The following SH3GL2 variants were observed in gnomAD, a reference collection of about 807,000 sequenced individuals.
The protein encoded by SH3GL2 is endophilin-A1.
Under a neutral mutation model 46.0 loss-of-function variants are expected in SH3GL2, and 24 were observed. The ratio of observed to expected loss-of-function variants is 0.52; its 90% CI spans 0.38 to 0.73. The LOEUF (loss-of-function observed/expected upper bound fraction) is 0.73. Among genes scored for constraint, SH3GL2 ranks in the 30% least tolerant of loss-of-function variants. The pLI, the probability that SH3GL2 is intolerant of heterozygous loss-of-function variation, is 0.00. For missense variants in SH3GL2, 413 were observed against 424.2 expected (o/e 0.97, Z 0.23); for synonymous variants, 196 against 147.1 (o/e 1.33, Z -2.40).
chr9:17,783,317 T>TG (rs1823865300), intron 3 of SH3GL2, among the ~76,000 whole-genome samples: 1 of 151,742 alleles, frequency 6.6e-6, no homozygotes, highest in Non-Finnish European at 1.5e-5. Context: ...TTTGTTTGTT[T>TG]GGATTAGGAA....
At chr9:17,738,429 C>G (rs769261439) in intron 1 of SH3GL2, among the ~76,000 whole-genome samples, 3 of 151,094 alleles carry the variant, frequency 2.0e-5, no homozygotes, top group Non-Finnish European at 4.4e-5. Flanking sequence ...AGTTAGGGTT[C>G]TCCAGAGAAA....
At position 17,795,883 on chromosome 9, in the gene SH3GL2, G is replaced by C; in HGVS notation, c.*140G>C. On this transcript the variant is annotated 3_prime_UTR_variant, in exon 9 of 9. Transcript: ENST00000380607. ...CCAGCCCCACCAAGTGACTTTGGTTGACTTGTGGGCTCCCACAGGAGTCAT... is the reference window on the plus strand; with the variant it reads ...CCAGCCCCACCAAGTGACTTTGGTTCACTTGTGGGCTCCCACAGGAGTCAT... The C allele has an allele frequency of 1.5e-6, 1 of 665,190 alleles. No homozygotes were observed. The highest frequency in any genetic ancestry group is 2.6e-6 in the Non-Finnish European group (1 of 385,270). 41.2% of individuals were successfully genotyped at this position (665,190 alleles called of 1,614,324 possible). A position where few individuals can be genotyped will look rare whatever the true frequency, so the allele number is the denominator to read the frequency against.
intron 3 of SH3GL2, among the ~76,000 whole-genome samples, chr9:17,774,963 A>C (rs148971757): frequency 6.6e-6 from 1 of 152,130 alleles, no homozygotes; most frequent in South Asian, 2.1e-4. Context: ...CTTCTTACTA[A>C]TGATAGGTCT....
chr9:17,681,404 A>G (rs1305087866), intron 1 of SH3GL2, among the ~76,000 whole-genome samples: 4 of 152,156 alleles, frequency 2.6e-5, no homozygotes, highest in Non-Finnish European at 5.9e-5. Context: ...GCAAAAATAC[A>G]GGCACATTTC....
At chr9:17,788,912 T>C (rs1027241935) in intron 5 of SH3GL2, among the ~76,000 whole-genome samples, 12 of 152,222 alleles carry the variant, frequency 7.9e-5, no homozygotes, top group Admixed American at 5.2e-4. Context: ...TACGTGATTC[T>C]AACAGACTGG....
chr9:17,648,473 T>G (rs1819879948), intron 1 of SH3GL2, among the ~76,000 whole-genome samples: 1 of 152,204 alleles, frequency 6.6e-6, no homozygotes, highest in East Asian at 1.9e-4. Context: ...TTGTCTATCT[T>G]TTGGAAAGCC....
intron 1 of SH3GL2, among the ~76,000 whole-genome samples, chr9:17,612,579 G>A (rs532799372): frequency 6.6e-6 from 1 of 152,314 alleles, no homozygotes; most frequent in Admixed American, 6.5e-5. Context: ...ATGTGTGTAT[G>A]TGTGAGAGAC....
chr9:17,686,690 C>CA (rs1156387223), intron 1 of SH3GL2, among the ~76,000 whole-genome samples: 2 of 142,808 alleles, frequency 1.4e-5, no homozygotes, highest in Non-Finnish European at 3.0e-5. Flanking sequence ...ATCGCAAGAA[C>CA]AAAAAACCAA....
At chr9:17,636,642 G>A (rs539242057) in intron 1 of SH3GL2, among the ~76,000 whole-genome samples, 1 of 152,256 alleles carries the variant, frequency 6.6e-6, no homozygotes, top group Non-Finnish European at 1.5e-5. Flanking sequence ...AAGTTTACTA[G>A]CCATAGAGTT....
At chr9:17,785,444 T>C (rs939023095) in intron 3 of SH3GL2, among the ~76,000 whole-genome samples, 1 of 152,162 alleles carries the variant, frequency 6.6e-6, no homozygotes, top group Non-Finnish European at 1.5e-5. Context: ...AAAGTTTAAA[T>C]AAAAGCCTTG....
At chr9:17,616,794 G>T (rs973258873) in intron 1 of SH3GL2, among the ~76,000 whole-genome samples, 3 of 151,916 alleles carry the variant, frequency 2.0e-5, no homozygotes, top group Non-Finnish European at 2.9e-5. Flanking sequence ...CTTATTGTCT[G>T]ATTTTTATAC....
chr9:17,784,892 TC>T (rs1823910662), intron 3 of SH3GL2, among the ~76,000 whole-genome samples: 2 of 152,254 alleles, frequency 1.3e-5, no homozygotes, highest in African/African-American at 4.8e-5. Flanking sequence ...TTTAAATTTT[TC>T]TGTAGAAATG....
intron 1 of SH3GL2, among the ~76,000 whole-genome samples, chr9:17,682,478 G>C (rs552434939): frequency 1.3e-5 from 2 of 152,060 alleles, no homozygotes; most frequent in East Asian, 1.9e-4. Context: ...CAAACACTAC[G>C]TGTTCTGGTA....
At chr9:17,771,842 T>G (rs1039803982) in intron 3 of SH3GL2, among the ~76,000 whole-genome samples, 2 of 152,114 alleles carry the variant, frequency 1.3e-5, no homozygotes, top group African/African-American at 4.8e-5. Flanking sequence ...ATAAATACCA[T>G]TATTTGGGTT....
chr9:17,754,862 T>G (rs957425388), intron 2 of SH3GL2, among the ~76,000 whole-genome samples: 1 of 152,170 alleles, frequency 6.6e-6, no homozygotes, highest in African/African-American at 2.4e-5. Context: ...CTGACATTCT[T>G]TATCAGCTTA....
chr9:17,579,834 G>A (rs1818244453), intron 1 of SH3GL2, among the ~76,000 whole-genome samples: 1 of 152,170 alleles, frequency 6.6e-6, no homozygotes, highest in Admixed American at 6.5e-5. Context: ...GAAGGCTGGG[G>A]TCTTCCTTTA....
intron 3 of SH3GL2, among the ~76,000 whole-genome samples, chr9:17,785,207 G>A (rs1823919808): frequency 6.6e-6 from 1 of 152,110 alleles, no homozygotes; most frequent in Non-Finnish European, 1.5e-5. Context: ...CCCAACTGAT[G>A]AGGACAGTGC....
chr9:17,658,449 T>C (rs1015953432), intron 1 of SH3GL2, among the ~76,000 whole-genome samples: 18 of 152,192 alleles, frequency 1.2e-4, no homozygotes, highest in African/African-American at 3.6e-4. Context: ...GGTCATCACA[T>C]TGGACTTGTG....
At chr9:17,662,866 C>T (rs527353812) in intron 1 of SH3GL2, among the ~76,000 whole-genome samples, 2 of 152,192 alleles carry the variant, frequency 1.3e-5, no homozygotes, top group Admixed American at 6.5e-5. Flanking sequence ...TCCGCCACCA[C>T]GCCCAGCTCA....
Sources: allele counts gnomAD v4.1 joint callset (sites outside exome capture counted in the v4.1 genomes callset), GRCh38; gene constraint gnomAD v4.1.1; transcripts MANE v1.5; gene names NCBI Gene and HGNC (gene_info 2026-07-23, HGNC 2026-07-21).